C1QTNF3: variants seen among roughly 807,000 people sequenced by gnomAD.
The protein encoded by C1QTNF3 is complement C1q tumor necrosis factor-related protein 3.
Under a neutral mutation model 32.6 loss-of-function variants are expected in C1QTNF3, and 26 were observed. The observed-to-expected ratio is 0.80, with a 90% CI of 0.58 to 1.11. The LOEUF (loss-of-function observed/expected upper bound fraction) is 1.11, where lower values mean the gene tolerates loss of function less well. C1QTNF3 is among the 50% of genes least tolerant of loss of function. The pLI is 0.00. For missense variants in C1QTNF3, 362 were observed against 398.2 expected, an observed-to-expected ratio of 0.91 and a Z score of 0.77; for synonymous variants, 155 against 146.0, an observed-to-expected ratio of 1.06 and a Z score of -0.44.
rs906533214 is a variant in C1QTNF3, at chr5:34,019,740, A to C, written c.*843T>G. 1.3e-5 allele frequency: 2 copies of C among 152,126 alleles called. No homozygotes were observed. The highest frequency in any genetic ancestry group is 4.8e-5 in the African/African-American group (2 of 41,412). The allele number at this position is 152,126 out of a possible 1,614,324, so 9.4% of individuals were successfully genotyped here. A position where few individuals can be genotyped will look rare whatever the true frequency, so the allele number is the denominator to read the frequency against. On this transcript the variant is annotated 3_prime_UTR_variant, in exon 6 of 6. Transcript: ENST00000382065. The stretch of plus-strand genomic sequence containing the variant: ...TTTATTTCCATATATTGCTCATTAC[A>C]TTTTTCTTGCCACAGTTTTATCTAA...
At chr5:34,146,417 T>C in the C1QTNF3 span, among the ~76,000 whole-genome samples, 1 of 152,200 alleles carries the variant, frequency 6.6e-6, no homozygotes, top group Middle Eastern at 3.2e-3. Context: ...GTTCAAACTA[T>C]ACTGTAAGGC....
chr5:34,126,950 G>A, the C1QTNF3 span, among the ~76,000 whole-genome samples: 1 of 152,180 alleles, frequency 6.6e-6, no homozygotes, highest in East Asian at 1.9e-4. Context: ...TAGTGATAGA[G>A]TTCTCATGAG....
the C1QTNF3 span, among the ~76,000 whole-genome samples, chr5:34,225,005 C>T: frequency 6.6e-6 from 1 of 152,140 alleles, no homozygotes; most frequent in South Asian, 2.1e-4. Flanking sequence ...CATGAACAGA[C>T]ACTTCTCAAA....
intron 3 of C1QTNF3, 94 bp from the exon 4 acceptor site, chr5:34,028,977 G>T: frequency 9.8e-7 from 1 of 1,020,620 alleles, no homozygotes; most frequent in Non-Finnish European, 1.4e-6. Flanking sequence ...ATACATAACA[G>T]CAAGATTGGG....
chr5:34,144,819 T>A, the C1QTNF3 span, among the ~76,000 whole-genome samples: 1 of 152,108 alleles, frequency 6.6e-6, no homozygotes, highest in Admixed American at 6.5e-5. Context: ...AACACCTTCA[T>A]CAAGAAGTTA....
chr5:34,239,382 A>C, the C1QTNF3 span: 1 of 152,198 alleles, frequency 6.6e-6, no homozygotes, highest in Admixed American at 6.5e-5. Flanking sequence ...CACCATCTGT[A>C]GTCTTCAAGA....
At chr5:34,140,094 G>C in the C1QTNF3 span, among the ~76,000 whole-genome samples, 1 of 152,208 alleles carries the variant, frequency 6.6e-6, no homozygotes, top group East Asian at 1.9e-4. Context: ...AGCCATTGAA[G>C]TTGTGAGCAA....
the C1QTNF3 span, among the ~76,000 whole-genome samples, chr5:34,104,596 C>CAT: frequency 1.1e-5 from 1 of 88,052 alleles, no homozygotes. Flanking sequence ...AGTGCAATGG[C>CAT]ATGATGTCAG....
the C1QTNF3 span, among the ~76,000 whole-genome samples, chr5:34,185,197 A>AT: frequency 2.0e-4 from 30 of 151,478 alleles, no homozygotes; most frequent in African/African-American, 6.8e-4. Context: ...AACTACAAAA[A>AT]ATATATATAT....
At chr5:34,131,436 A>G in the C1QTNF3 span, among the ~76,000 whole-genome samples, 1 of 151,764 alleles carries the variant, frequency 6.6e-6, no homozygotes, top group Non-Finnish European at 1.5e-5. Context: ...ATACACACAC[A>G]GGCGCACACA....
At chr5:34,105,293 G>A in the C1QTNF3 span, among the ~76,000 whole-genome samples, 1 of 152,012 alleles carries the variant, frequency 6.6e-6, no homozygotes. Context: ...CATATATGAG[G>A]ATAGAGCAAT....
At chr5:34,155,408 A>G in the C1QTNF3 span, among the ~76,000 whole-genome samples, 1 of 152,222 alleles carries the variant, frequency 6.6e-6, no homozygotes. Context: ...CCTTCATATC[A>G]GCTCTGAAGT....
At chr5:34,085,855 TTCAA>T in the C1QTNF3 span, among the ~76,000 whole-genome samples, 1 of 151,648 alleles carries the variant, frequency 6.6e-6, no homozygotes, top group South Asian at 2.1e-4. Flanking sequence ...TGTAAATTTG[TTCAA>T]TCATTGTGGA....
chr5:34,034,479 T>C (rs1281255457), intron 2 of C1QTNF3, among the ~76,000 whole-genome samples: 3 of 152,234 alleles, frequency 2.0e-5, no homozygotes, highest in African/African-American at 7.2e-5. Flanking sequence ...ACTTTTCCCT[T>C]TGCCAACAAG....
chr5:34,097,126 A>G, the C1QTNF3 span, among the ~76,000 whole-genome samples: 1 of 152,016 alleles, frequency 6.6e-6, no homozygotes, highest in African/African-American at 2.4e-5. Context: ...AATGTTTTCA[A>G]TAGTCCATGA....
the C1QTNF3 span, among the ~76,000 whole-genome samples, chr5:34,233,078 A>G: frequency 4.6e-5 from 7 of 151,324 alleles, no homozygotes; most frequent in Admixed American, 4.6e-4. Context: ...TATTCACTAT[A>G]TTCTAGAATT....
intron 4 of C1QTNF3, chr5:34,024,510 T>C (rs529035573): frequency 6.4e-6 from 1 of 156,432 alleles, no homozygotes; most frequent in East Asian, 1.9e-4. Context: ...CAAATGTTTA[T>C]GAGTTCTAAA....
At chr5:34,103,301 T>A in the C1QTNF3 span, among the ~76,000 whole-genome samples, 1 of 152,078 alleles carries the variant, frequency 6.6e-6, no homozygotes, top group Non-Finnish European at 1.5e-5. Context: ...TATTTTTATG[T>A]TTTCTACTTT....
At chr5:34,213,718 G>GTGTATATATATGTGTATATATATGTA in the C1QTNF3 span, among the ~76,000 whole-genome samples, 4 of 116,368 alleles carry the variant, frequency 3.4e-5, no homozygotes, top group African/African-American at 1.3e-4. Flanking sequence ...GTATATATAT[G>GTGTATATATATGTGTATATATATGTA]TATATATATA....
Sources: allele counts gnomAD v4.1 joint callset (sites outside exome capture counted in the v4.1 genomes callset), GRCh38; gene constraint gnomAD v4.1.1; transcripts MANE v1.5; gene names NCBI Gene and HGNC (gene_info 2026-07-23, HGNC 2026-07-21).